FAM131B: variants seen among roughly 807,000 people sequenced by gnomAD.
FAM131B encodes the protein family with sequence similarity 131 member B.
Under a neutral mutation model 42.0 loss-of-function variants are expected in FAM131B, and 19 were observed. The observed-to-expected ratio is 0.45, with a 90% confidence interval of 0.32 to 0.66. The LOEUF (loss-of-function observed/expected upper bound fraction) is 0.66, where lower values mean the gene tolerates loss of function less well. Ranked by LOEUF, FAM131B falls within the 30% of genes least tolerant of loss-of-function variation. The pLI is 0.05. For synonymous variants in FAM131B, 183 were observed against 177.6 expected, an observed-to-expected ratio of 1.03 and a Z score of -0.24; for missense variants, 370 against 468.4, an observed-to-expected ratio of 0.79 and a Z score of 1.94.
chr7:143,370,730 A>G, the FAM131B span, among the ~76,000 whole-genome samples: 1 of 152,142 alleles, frequency 6.6e-6, no homozygotes, highest in African/African-American at 2.4e-5. Context: ...ACACATGAAA[A>G]TGGGCAACCA....
Position 143,359,563 on chromosome 7 carries a change from G to T in FAM131B, c.175-144C>A. Reference sequence around the variant, plus strand: ...AAGCTACTATACCCAAGAGTCCCAAGGAGGGATATATCCCCAGTGCTCTGG... The same window carrying T: ...AAGCTACTATACCCAAGAGTCCCAATGAGGGATATATCCCCAGTGCTCTGG... On this transcript the variant is annotated intron_variant, in intron 3 of 6. Coordinates refer to ENST00000443739, the MANE Select transcript of FAM131B (RefSeq NM_001031690.3). The surrounding 1 kb of genome is among the most constrained non-coding windows in gnomAD (Gnocchi z 5.4). The T allele has an allele frequency of 1.1e-6, 1 of 921,416 alleles. No individual in the cohort carries two copies. The highest frequency in any genetic ancestry group is 1.7e-6 in the Non-Finnish European group (1 of 571,564). 57.1% of individuals were successfully genotyped at this position (921,416 alleles called of 1,614,324 possible).
the FAM131B span, among the ~76,000 whole-genome samples, chr7:143,377,250 G>A: frequency 8.5e-5 from 13 of 152,218 alleles, no homozygotes; most frequent in East Asian, 1.9e-4. Flanking sequence ...GAGCCACTGC[G>A]CCTGGCTGTG....
the FAM131B span, among the ~76,000 whole-genome samples, chr7:143,368,923 C>T: frequency 2.0e-5 from 3 of 152,168 alleles, no homozygotes; most frequent in Non-Finnish European, 2.9e-5. Flanking sequence ...GTGTTTAATA[C>T]ATAGTGGGTA....
At chr7:143,357,894 T>C (rs1228841659) in intron 5 of FAM131B, among the ~76,000 whole-genome samples, 2 of 152,166 alleles carry the variant, frequency 1.3e-5, no homozygotes, top group Non-Finnish European at 2.9e-5. Context: ...TTAGGATTCC[T>C]AGGGGAAAGA....
rs972693432 is a variant in FAM131B at position 143,359,119 on chromosome 7, C to T, written c.269-95G>A. On this transcript the variant is annotated intron_variant, in intron 4 of 6. Transcript: ENST00000443739. The surrounding 1 kb of genome is among the most constrained non-coding windows in gnomAD (Gnocchi z 5.4). ...CCTCCCACCCCAGCCCCATGAGGCT[C>T]CATCCCACTGGGCCAGGCTCCCCTA... The T allele has an allele frequency of 7.6e-5, 100 of 1,316,272 alleles. No individual in the cohort carries two copies. Among genetic ancestry groups the T allele is most frequent in the Non-Finnish European group, 1.0e-4 (97 of 945,902 alleles). 81.5% of individuals were successfully genotyped at this position (1,316,272 alleles called of 1,614,324 possible).
the FAM131B span, among the ~76,000 whole-genome samples, chr7:143,378,113 G>C: frequency 6.6e-6 from 1 of 152,298 alleles, no homozygotes; most frequent in Non-Finnish European, 1.5e-5. Context: ...ATGTTATTAG[G>C]GTGCTGCTAT....
At chr7:143,371,444 T>C in the FAM131B span, among the ~76,000 whole-genome samples, 1 of 151,576 alleles carries the variant, frequency 6.6e-6, no homozygotes, top group Non-Finnish European at 1.5e-5. Context: ...AGACCTTGTC[T>C]TTACAAAAAG....
chr7:143,360,207 A>G, intron 1 of FAM131B, 58 bp from the exon 2 acceptor site: 1 of 1,553,834 alleles, frequency 6.4e-7, no homozygotes, highest in Non-Finnish European at 8.7e-7. Context: ...CCGAGGCGAC[A>G]CCCTGGGGCC....
chr7:143,356,586 C>T lies in FAM131B; in HGVS notation c.1047G>A (p.Gln349=). ...KVSDVTSSGV[Q]SFDEEEGEAN... is the part of the protein sequence containing the mutation. ...CCTCGCCTTCCTCCTCATCAAAGGACTGCACACCTGAGGATGTGACGTCAG... is the reference window on the plus strand; with the variant it reads ...CCTCGCCTTCCTCCTCATCAAAGGATTGCACACCTGAGGATGTGACGTCAG... The change falls in exon 7 of 7, where the codon CAG becomes CAA. Residue 349 remains glutamine, a synonymous_variant. Transcript: ENST00000443739. The surrounding 1 kb of genome is among the most constrained non-coding windows in gnomAD (Gnocchi z 4.4). 6.2e-7 allele frequency: 1 copy of T among 1,613,950 alleles called. No individual in the cohort carries two copies. Among genetic ancestry groups the T allele is most frequent in the Non-Finnish European group, 8.5e-7 (1 of 1,179,972 alleles).
the FAM131B span, chr7:143,381,138 G>T: frequency 1.0e-6 from 1 of 954,758 alleles, no homozygotes; most frequent in Non-Finnish European, 1.2e-6. Context: ...AGCGGACCTC[G>T]GCGGAGCCTC....
At chr7:143,367,572 GT>G (rs1804208226), upstream of FAM131B, among the ~76,000 whole-genome samples, 1 of 152,148 alleles carries the variant, frequency 6.6e-6, no homozygotes, top group African/African-American at 2.4e-5. Context: ...GAGCATGGTG[GT>G]GTACACCTGT....
rs1563094717 is a variant in FAM131B at position 143,356,614 on chromosome 7, A to T, written c.1019T>A (p.Val340Glu). The T allele has an allele frequency of 6.2e-7, 1 of 1,613,886 alleles. No individual in the cohort carries two copies. Among genetic ancestry groups the T allele is most frequent in the Non-Finnish European group, 8.5e-7 (1 of 1,179,956 alleles). The change falls in exon 7 of 7, where the codon GTG becomes GAG. Residue 340 changes from valine (V) to glutamate (E), a missense_variant. Transcript: ENST00000443739. The surrounding 1 kb of genome is among the most constrained non-coding windows in gnomAD (Gnocchi z 4.4). ...PEMSTALSRK[V>E]SDVTSSGVQS... Reference sequence around the variant, plus strand: ...CACACCTGAGGATGTGACGTCAGACACCTTCCGGCTGAGAGCGGTAGACAT... The same window carrying T: ...CACACCTGAGGATGTGACGTCAGACTCCTTCCGGCTGAGAGCGGTAGACAT...
intron 1 of FAM131B, 144 bp from the exon 2 acceptor site, chr7:143,360,293 A>G: frequency 6.8e-7 from 1 of 1,461,998 alleles, no homozygotes; most frequent in South Asian, 1.4e-5. Flanking sequence ...TCTAGGGGAG[A>G]CAAGTAGTAA....
At chr7:143,370,477 G>A in the FAM131B span, among the ~76,000 whole-genome samples, 1 of 152,154 alleles carries the variant, frequency 6.6e-6, no homozygotes, top group African/African-American at 2.4e-5. Flanking sequence ...CACAGGATGA[G>A]ATAAAAAGTT....
At chr7:143,357,670 G>A (rs1803734041) in intron 5 of FAM131B, among the ~76,000 whole-genome samples, 1 of 152,106 alleles carries the variant, frequency 6.6e-6, no homozygotes, top group East Asian at 1.9e-4. Context: ...CAAAATAAAA[G>A]TTATTAATGA....
At position 143,357,019 on chromosome 7, in the gene FAM131B, G is replaced by C. The variant is rs1466932460; in HGVS notation, c.614C>G (p.Ala205Gly). 6.2e-7 allele frequency: 1 copy of C among 1,608,476 alleles called. No homozygotes were observed. The highest frequency in any genetic ancestry group is 8.5e-7 in the Non-Finnish European group (1 of 1,175,490). Reference protein sequence around the residue: ...NYQELMDSQDALAQAPMDGWP... With the variant: ...NYQELMDSQDGLAQAPMDGWP... ...TCCATCCATGGGTGCTTGAGCCAGGGCATCTGGAAAAAGAATCATGGAGGT... is the reference window on the plus strand; with the variant it reads ...TCCATCCATGGGTGCTTGAGCCAGGCCATCTGGAAAAAGAATCATGGAGGT... Residue 205 changes from alanine (A) to glycine (G), a missense_variant, in exon 7 of 7, where the codon GCC (alanine) becomes GGC (glycine). Ala to Gly is a moderately conservative substitution (Grantham distance 60). Coordinates refer to ENST00000443739, the MANE Select transcript of FAM131B (RefSeq NM_001031690.3).
chr7:143,372,892 G>A, the FAM131B span, among the ~76,000 whole-genome samples: 1 of 151,526 alleles, frequency 6.6e-6, no homozygotes, highest in Admixed American at 6.6e-5. Context: ...CCGGGAGGCG[G>A]AGGTTGCAGT....
upstream of FAM131B, among the ~76,000 whole-genome samples, chr7:143,363,382 G>C (rs946920814): frequency 6.6e-6 from 1 of 152,086 alleles, no homozygotes; most frequent in African/African-American, 2.4e-5. Context: ...AATATGAGGA[G>C]GACAGTTCAT....
intron 1 of FAM131B, chr7:143,361,945 C>T (rs1804017871): frequency 4.5e-6 from 3 of 663,560 alleles, no homozygotes; most frequent in Admixed American, 6.3e-5. Context: ...TCCCTCCACC[C>T]GGCCCTGGCC....
Sources: gnomAD v4.1 joint callset for allele counts (sites outside exome capture counted in the v4.1 genomes callset) on GRCh38, gnomAD v4.1.1 for gene constraint, Gnocchi (gnomAD v3.1) non-coding constraint, MANE v1.5 for transcripts, NCBI Gene and HGNC (gene_info 2026-07-23, HGNC 2026-07-21) for gene names.